RBFOX1: variants seen among roughly 807,000 people sequenced by gnomAD.
RBFOX1 encodes RNA binding protein fox-1 homolog 1.
A neutral mutation model predicts 57.7 loss-of-function variants in RBFOX1; 8 were observed. The ratio of observed to expected loss-of-function variants is 0.14; its 90% CI spans 0.08 to 0.25. The LOEUF is 0.25. RBFOX1 is among the 10% of genes least tolerant of loss of function. RBFOX1 has a pLI of 1.00. For synonymous variants in RBFOX1, 326 were observed against 222.4 expected, an observed-to-expected ratio of 1.47 and a Z score of -4.15; for missense variants, 611 against 548.5, an observed-to-expected ratio of 1.11 and a Z score of -1.14.
At chr16:7,701,943 C>T (rs1173148185) in intron 14 of RBFOX1, among the ~76,000 whole-genome samples, 7 of 152,164 alleles carry the variant, frequency 4.6e-5, no homozygotes, top group African/African-American at 1.7e-4. Flanking sequence ...GGGTGCATGG[C>T]CTGAGGTTCT....
chr16:5,409,925 G>T (rs1296543793), intron 1 of RBFOX1, among the ~76,000 whole-genome samples: 1 of 151,926 alleles, frequency 6.6e-6, no homozygotes, highest in Non-Finnish European at 1.5e-5. Flanking sequence ...GCGGACACCT[G>T]TAATCCCAGC....
At chr16:7,100,565 GTTTTT>G (rs201889492) in intron 4 of RBFOX1, among the ~76,000 whole-genome samples, 6 of 118,784 alleles carry the variant, frequency 5.1e-5, no homozygotes, top group Admixed American at 2.5e-4. Flanking sequence ...TTTAAAGGTT[GTTTTT>G]TTTTTTTTTT....
At chr16:5,996,880 A>G (rs2060499457) in intron 4 of RBFOX1, among the ~76,000 whole-genome samples, 1 of 152,154 alleles carries the variant, frequency 6.6e-6, no homozygotes, top group Non-Finnish European at 1.5e-5. Flanking sequence ...AAAGAAACCC[A>G]TTTTTGCCAT....
intron 1 of RBFOX1, among the ~76,000 whole-genome samples, chr16:6,080,504 G>T (rs8056023): frequency 0.85 from 128,868 of 152,128 alleles, 55,227 homozygotes; most frequent in African/African-American, 0.96. Flanking sequence ...CAAGTCTGGA[G>T]GGGGAGGCAA....
chr16:6,645,545 A>T (rs2098526939), intron 2 of RBFOX1, among the ~76,000 whole-genome samples: 1 of 152,076 alleles, frequency 6.6e-6, no homozygotes, highest in Non-Finnish European at 1.5e-5. Context: ...CAACCAACAC[A>T]CCAAGTGTAG....
intron 4 of RBFOX1, among the ~76,000 whole-genome samples, chr16:7,165,959 CACACACAT>C (rs1283209896): frequency 4.2e-4 from 32 of 75,646 alleles, no homozygotes; most frequent in African/African-American, 2.4e-3. Flanking sequence ...CACACACACA[CACACACAT>C]ACATACATAC....
chr16:7,066,576 C>T (rs115721293), intron 4 of RBFOX1, among the ~76,000 whole-genome samples: 2,087 of 152,274 alleles, frequency 0.014, 56 homozygotes, highest in African/African-American at 0.048. Flanking sequence ...AATTATTTAA[C>T]ATCTACCTTC....
chr16:6,327,780 CT>C (rs147563092), intron 2 of RBFOX1, among the ~76,000 whole-genome samples: 1 of 152,300 alleles, frequency 6.6e-6, no homozygotes, highest in African/African-American at 2.4e-5. Context: ...CCAGGAGCCT[CT>C]CTTCTTGACC....
chr16:7,387,020 T>A (rs1220696457), intron 4 of RBFOX1, among the ~76,000 whole-genome samples: 1 of 152,250 alleles, frequency 6.6e-6, no homozygotes, highest in Non-Finnish European at 1.5e-5. Context: ...GCTGCATAAA[T>A]GTCTTCTCTT....
intron 4 of RBFOX1, among the ~76,000 whole-genome samples, chr16:5,976,392 C>T (rs12919657): frequency 0.62 from 94,019 of 151,960 alleles, 30,865 homozygotes; most frequent in East Asian, 0.87. Context: ...TAGAGAAGAG[C>T]GGAATAAACG....
chr16:7,696,638 T>G (rs539155186), intron 14 of RBFOX1, among the ~76,000 whole-genome samples: 4 of 152,270 alleles, frequency 2.6e-5, no homozygotes, highest in African/African-American at 9.6e-5. Context: ...GGAGAAGGTC[T>G]CATCAAAAGA....
chr16:6,174,475 G>T (rs573640282), intron 1 of RBFOX1, among the ~76,000 whole-genome samples: 1 of 152,122 alleles, frequency 6.6e-6, no homozygotes, highest in African/African-American at 2.4e-5. Context: ...CGTGCCTGTA[G>T]TCCCAACTAT....
chr16:5,277,299 C>T (rs2063164801), intron 1 of RBFOX1, among the ~76,000 whole-genome samples: 1 of 150,902 alleles, frequency 6.6e-6, no homozygotes, highest in Admixed American at 6.6e-5. Flanking sequence ...ACTTTGGGGG[C>T]TCAGGTGGAA....
At chr16:6,874,285 G>A (rs936683320) in intron 3 of RBFOX1, among the ~76,000 whole-genome samples, 1 of 152,016 alleles carries the variant, frequency 6.6e-6, no homozygotes, top group Non-Finnish European at 1.5e-5. Flanking sequence ...TGAGGCAGGT[G>A]GATAATCTGA....
intron 4 of RBFOX1, among the ~76,000 whole-genome samples, chr16:7,489,298 A>G (rs2151474647): frequency 6.6e-6 from 1 of 152,324 alleles, no homozygotes; most frequent in African/African-American, 2.4e-5. Flanking sequence ...GCATTTACTA[A>G]ATGACAGGAA....
At chr16:5,318,588 AAAAC>A (rs149452945) in intron 1 of RBFOX1, among the ~76,000 whole-genome samples, 85,255 of 151,694 alleles carry the variant, frequency 0.56, 27,167 homozygotes, top group East Asian at 0.72. Flanking sequence ...TTATACCAAA[AAAAC>A]AAACAAAAAA....
chr16:6,147,760 A>G (rs979213751), intron 1 of RBFOX1, among the ~76,000 whole-genome samples: 1 of 152,186 alleles, frequency 6.6e-6, no homozygotes, highest in African/African-American at 2.4e-5. Context: ...CAAGTTTGTA[A>G]TTGGTGTCAC....
At chr16:6,794,340 G>T (rs1228237971) in intron 3 of RBFOX1, among the ~76,000 whole-genome samples, 1 of 145,136 alleles carries the variant, frequency 6.9e-6, no homozygotes, top group South Asian at 2.2e-4. Flanking sequence ...ACAAACATGA[G>T]GCATTCTCAA....
At chr16:5,548,068 G>A (rs992093468) in intron 2 of RBFOX1, among the ~76,000 whole-genome samples, 17 of 150,924 alleles carry the variant, frequency 1.1e-4, no homozygotes, top group Non-Finnish European at 2.4e-4. Context: ...AGCTGAGACA[G>A]GAGAATCCCT....
Sources: allele counts gnomAD v4.1 joint callset (sites outside exome capture counted in the v4.1 genomes callset), GRCh38; gene constraint gnomAD v4.1.1; transcripts MANE v1.5; gene names NCBI Gene and HGNC (gene_info 2026-07-23, HGNC 2026-07-21).